Variants in DHPS observed in about 807,000 individuals in gnomAD.
DHPS encodes migration-inducing gene 13.
A neutral mutation model predicts 38.7 loss-of-function variants in DHPS; 24 were observed. The observed-to-expected ratio is 0.62, with a 90% CI of 0.45 to 0.87. The LOEUF (loss-of-function observed/expected upper bound fraction) is 0.87, where lower values mean the gene tolerates loss of function less well. Among genes scored for constraint, DHPS ranks in the 40% least tolerant of loss-of-function variants. DHPS has a pLI of 0.00. For synonymous variants in DHPS, 250 were observed against 204.4 expected (o/e 1.22, Z -1.90); for missense variants, 510 against 497.6 (o/e 1.02, Z -0.24).
downstream of DHPS, among the ~76,000 whole-genome samples, chr19:12,673,623 G>A (rs953503457): frequency 6.6e-6 from 1 of 151,854 alleles, no homozygotes; most frequent in African/African-American, 2.4e-5. Context: ...TCACTATGTT[G>A]GTCAGGCTGG....
intron 1 of DHPS, chr19:12,681,248 C>A: frequency 7.8e-7 from 1 of 1,283,564 alleles, no homozygotes; most frequent in East Asian, 4.0e-5. Context: ...CCTCCCATAT[C>A]CTCCCTTAAT....
intron 2 of DHPS, 101 bp from the exon 3 acceptor site, chr19:12,680,023 G>C (rs760205690): frequency 4.5e-6 from 7 of 1,555,460 alleles, no homozygotes; most frequent in Non-Finnish European, 6.1e-6. Context: ...TCTTATGAGG[G>C]AGCTCTGCTA....
At chr19:12,680,556 G>A (rs1344392079) in intron 1 of DHPS, among the ~76,000 whole-genome samples, 41 of 146,942 alleles carry the variant, frequency 2.8e-4, no homozygotes, top group African/African-American at 8.1e-4. Context: ...TTTTTTGGAC[G>A]GAGTTTCACT....
chr19:12,679,647 C>G lies in DHPS; in HGVS notation c.567G>C (p.Gln189His). 1 of 1,614,230 alleles carries G rather than the reference C, an allele frequency of 6.2e-7. No homozygotes were observed. Among genetic ancestry groups the G allele is most frequent in the Non-Finnish European group, 8.5e-7 (1 of 1,180,050 alleles). ...FEDWLMPILDQMVMEQNTEGV... is the reference protein window; with the variant it reads ...FEDWLMPILDHMVMEQNTEGV... ...CCTCTGTGTTCTGCTCCATCACCAT[C>G]TGGTCCAGAATGGGCATCAGCCAGT... The change falls in exon 4 of 9, where the codon CAG becomes CAC. Residue 189 changes from glutamine to histidine, a missense_variant. Coordinates refer to ENST00000210060, the MANE Select transcript of DHPS (RefSeq NM_001930.4).
intron 7 of DHPS, chr19:12,676,889 C>G (rs1027547471): frequency 3.5e-5 from 20 of 566,626 alleles, no homozygotes; most frequent in Admixed American, 1.2e-4. Context: ...TCTTGTTGGA[C>G]AGCACCCCTT....
chr19:12,673,564 C>T (rs568276917), downstream of DHPS, among the ~76,000 whole-genome samples: 6 of 152,048 alleles, frequency 3.9e-5, no homozygotes, highest in Admixed American at 6.6e-5. Flanking sequence ...ATTATAGGTG[C>T]GTGCCACCAC....
intron 1 of DHPS, among the ~76,000 whole-genome samples, chr19:12,680,696 G>C (rs974232701): frequency 4.6e-4 from 69 of 150,712 alleles, no homozygotes; most frequent in African/African-American, 1.6e-3. Context: ...ACCATGCCCG[G>C]CTAATTTTTT....
chr19:12,673,115 G>A (rs767866226), downstream of DHPS: 35 of 1,612,476 alleles, frequency 2.2e-5, no homozygotes, highest in East Asian at 6.7e-5. Context: ...GCTGCTGGGC[G>A]AGTGAGTCCT....
At position 12,678,802 on chromosome 19, in the gene DHPS, C is replaced by CT. The variant is rs745590908; in HGVS notation, c.678+654dup. On this transcript the variant is annotated intron_variant, in intron 5 of 8. Transcript: ENST00000210060. ...AAAAAAAAAAAAAAAGACTATGTAG[C>CT]TTTTTTTTTTTTTTTTTCAGGTTCT... Among the ~76,000 whole-genome samples the CT allele has an allele frequency of 9.6e-3, 1,030 of 106,910 alleles. 15 individuals carry two copies. Among genetic ancestry groups the CT allele is most frequent in the East Asian group, 0.018 (60 of 3,310 alleles). 70.1% of individuals were successfully genotyped at this position (106,910 alleles called of 152,430 possible).
In DHPS at chr19:12,676,155, G is replaced by T; in HGVS notation, c.889-13C>A. 6.3e-7 allele frequency: 1 copy of T among 1,598,248 alleles called. No homozygotes were observed. The stretch of plus-strand genomic sequence containing the variant: ...CGGCCCCGTTCCGCTGTGGGGAGGC[G>T]GGGGCACGGTGGGCCCAGTCAGCCA... On this transcript the variant is annotated splice_polypyrimidine_tract_variant and intron_variant, in intron 7 of 8. Coordinates refer to ENST00000210060, the MANE Select transcript of DHPS (RefSeq NM_001930.4).
At position 12,681,755 on chromosome 19, in the gene DHPS, G is replaced by A; in HGVS notation, c.12C>T (p.Ser4=). 1.9e-6 allele frequency: 3 copies of A among 1,609,830 alleles called. No individual in the cohort carries two copies. The highest frequency in any genetic ancestry group is 1.3e-5 in the African/African-American group (1 of 75,060). The change falls in exon 1 of 9, where the codon TCC becomes TCT. Residue 4 remains serine (S), a synonymous_variant. Coordinates refer to ENST00000210060, the MANE Select transcript of DHPS (RefSeq NM_001930.4). ...CCCCCGCTGGCGCCTCCCGTTCCAG[G>A]GAACCTTCCATGCGCCTATAGCCGG... MEG[S]LEREAPAGAL...
intron 1 of DHPS, among the ~76,000 whole-genome samples, chr19:12,680,760 C>T (rs1568320362): frequency 6.8e-6 from 1 of 147,912 alleles, no homozygotes; most frequent in East Asian, 2.0e-4. Flanking sequence ...TCTCGAACTC[C>T]CGACCTCAGG....
Position 12,679,448 on chromosome 19 carries a change from G to C in DHPS, c.678+9C>G, listed in dbSNP as rs199804169. On this transcript the variant is annotated intron_variant, in intron 5 of 8. Transcript: ENST00000210060. ...AGTCTGGCTACTTTGCTCCCGCTTAGGTCCTCACCTTCTGGGCCCAGTAAT... is the reference window on the plus strand; with the variant it reads ...AGTCTGGCTACTTTGCTCCCGCTTACGTCCTCACCTTCTGGGCCCAGTAAT... 2.2e-5 allele frequency: 36 copies of C among 1,613,878 alleles called. No individual in the cohort carries two copies. In the South Asian group the frequency reaches 3.4e-4, roughly 15 times the overall value.
chr19:12,675,071 G>A (rs546097686), downstream of DHPS, among the ~76,000 whole-genome samples: 19 of 151,098 alleles, frequency 1.3e-4, no homozygotes, highest in East Asian at 2.2e-3. Flanking sequence ...CCCAGATGGC[G>A]CCACTGCACT....
intron 1 of DHPS, chr19:12,681,075 A>T: frequency 8.4e-7 from 1 of 1,190,712 alleles, no homozygotes; most frequent in South Asian, 1.3e-5. Flanking sequence ...CTCTTGATCC[A>T]CCCGCCTCGG....
At position 12,681,124 on chromosome 19, in the gene DHPS, G is replaced by A. The variant is rs1411713573; in HGVS notation, c.207+436C>T. 5 of 1,274,774 alleles carry A rather than the reference G, an allele frequency of 3.9e-6. No individual in the cohort carries two copies. In the Admixed American group the frequency reaches 1.0e-4, roughly 25 times the overall value. The allele number at this position is 1,274,774 out of a possible 1,614,324, so 79.0% of individuals were successfully genotyped here. On this transcript the variant is annotated intron_variant, in intron 1 of 8. Coordinates refer to ENST00000210060, the MANE Select transcript of DHPS (RefSeq NM_001930.4). ...TGGGATTATAGGCATGCGCCACCGC[G>A]CCCAGCCAGCCCCCACCCTTTTAGG...
In DHPS at chr19:12,681,575, C is replaced by G. The variant is rs946808326; in HGVS notation, c.192G>C (p.Gln64His). 27 of 1,614,166 alleles carry G rather than the reference C, an allele frequency of 1.7e-5. No homozygotes were observed. Among genetic ancestry groups the G allele is most frequent in the Non-Finnish European group, 2.3e-5 (27 of 1,180,064 alleles). Reference sequence around the variant, plus strand: ...CGGTCCTCACCATGGCATTGACTTGCTGTACAGCGCGCCCGAAGTTGGTTG... The same window carrying G: ...CGGTCCTCACCATGGCATTGACTTGGTGTACAGCGCGCCCGAAGTTGGTTG... ...FQATNFGRAV[Q>H]QVNAMIEKKL... Residue 64 changes from glutamine to histidine, a missense_variant, in exon 1 of 9, where the codon CAG becomes CAC. By Grantham distance (24) the Gln-to-His change is conservative. Transcript: ENST00000210060.
downstream of DHPS, chr19:12,672,943 C>A: frequency 6.3e-7 from 1 of 1,595,988 alleles, no homozygotes; most frequent in Non-Finnish European, 8.5e-7. Flanking sequence ...GTGGGACAGG[C>A]AGGGAAGATG....
downstream of DHPS, chr19:12,673,411 T>TTA: frequency 4.3e-5 from 4 of 92,818 alleles, no homozygotes; most frequent in Non-Finnish European, 5.6e-5. Flanking sequence ...GGCTAGGATC[T>TTA]TTTTTTTTTT....
Sources: gnomAD v4.1 joint callset for allele counts (sites outside exome capture counted in the v4.1 genomes callset) on GRCh38, gnomAD v4.1.1 for gene constraint, MANE v1.5 for transcripts, NCBI Gene and HGNC (gene_info 2026-07-23, HGNC 2026-07-21) for gene names.